Variants in PPM1E observed in about 807,000 individuals in gnomAD.
The protein encoded by PPM1E is protein phosphatase, Mg2+/Mn2+ dependent 1E.
Under a neutral mutation model 65.9 loss-of-function variants are expected in PPM1E, and 20 were observed. The ratio of observed to expected loss-of-function variants is 0.30; its 90% CI spans 0.21 to 0.44. The LOEUF (loss-of-function observed/expected upper bound fraction) is 0.44. Ranked by LOEUF, PPM1E falls within the 20% of genes least tolerant of loss-of-function variation. The pLI, the probability that PPM1E is intolerant of heterozygous loss-of-function variation, is 1.00. For missense variants in PPM1E, 713 were observed against 953.1 expected (o/e 0.75, Z 3.32); for synonymous variants, 352 against 374.9 (o/e 0.94, Z 0.70).
intron 1 of PPM1E, among the ~76,000 whole-genome samples, chr17:58,894,823 G>C (rs971791405): frequency 6.6e-6 from 1 of 151,302 alleles, no homozygotes; most frequent in Non-Finnish European, 1.5e-5. Flanking sequence ...AAATTTATTC[G>C]AGTTGATGTA....
intron 1 of PPM1E, among the ~76,000 whole-genome samples, chr17:58,827,677 C>T (rs936196541): frequency 2.6e-5 from 4 of 151,510 alleles, no homozygotes; most frequent in Admixed American, 6.6e-5. Flanking sequence ...CCGAGGAGGG[C>T]GGATCACGAG....
chr17:58,861,794 G>C (rs1160200188), intron 1 of PPM1E, among the ~76,000 whole-genome samples: 2 of 152,100 alleles, frequency 1.3e-5, no homozygotes, highest in East Asian at 3.8e-4. Flanking sequence ...AGGAATGGTG[G>C]CGTGTGCCTG....
At chr17:58,784,318 C>T (rs543602570) in intron 1 of PPM1E, among the ~76,000 whole-genome samples, 9 of 151,238 alleles carry the variant, frequency 6.0e-5, no homozygotes, top group Non-Finnish European at 8.9e-5. Context: ...CCACCACGTC[C>T]GGTCCTTGTA....
chr17:58,902,772 G>A (rs558619887), intron 1 of PPM1E, among the ~76,000 whole-genome samples: 1 of 152,042 alleles, frequency 6.6e-6, no homozygotes, highest in South Asian at 2.1e-4. Flanking sequence ...TCAGATATAG[G>A]GGTTGTGAAA....
At chr17:58,893,820 C>T (rs1394895954) in intron 1 of PPM1E, among the ~76,000 whole-genome samples, 2 of 151,970 alleles carry the variant, frequency 1.3e-5, no homozygotes, top group Non-Finnish European at 2.9e-5. Flanking sequence ...GCCTATAATC[C>T]CAGCACTTTG....
At chr17:58,837,836 TA>T (rs2050679060) in intron 1 of PPM1E, among the ~76,000 whole-genome samples, 1 of 152,234 alleles carries the variant, frequency 6.6e-6, no homozygotes, top group Non-Finnish European at 1.5e-5. Context: ...ACGCATTTGC[TA>T]ATTTAGACAA....
chr17:58,770,440 A>G (rs920442995), intron 1 of PPM1E, among the ~76,000 whole-genome samples: 2 of 152,060 alleles, frequency 1.3e-5, no homozygotes, highest in African/African-American at 4.8e-5. Context: ...CAAGAGGATC[A>G]CTTGAACCCA....
rs2051600646 is a variant in PPM1E, at chr17:58,909,726, G to T, written c.465-45923G>T. Among the ~76,000 whole-genome samples, 2 of 151,954 alleles carry T rather than the reference G, an allele frequency of 1.3e-5. 1 individual carries two copies. Among genetic ancestry groups the T allele is most frequent in the South Asian group, 4.1e-4 (2 of 4,826 alleles). On this transcript the variant is annotated intron_variant, in intron 1 of 6. Coordinates refer to ENST00000308249, the MANE Select transcript of PPM1E (RefSeq NM_014906.5). ...GTTTTATTTTTCTGGCTTCTTTCAAGATTTCATTCTTTATCCTTGATTTTC... is the reference window on the plus strand; with the variant it reads ...GTTTTATTTTTCTGGCTTCTTTCAATATTTCATTCTTTATCCTTGATTTTC...
chr17:58,849,770 T>G (rs1208430203), intron 1 of PPM1E, among the ~76,000 whole-genome samples: 3 of 152,226 alleles, frequency 2.0e-5, no homozygotes, highest in Admixed American at 2.0e-4. Flanking sequence ...TGGAGAGTTC[T>G]GCAGATGTCT....
At chr17:58,786,253 A>G (rs1171935455) in intron 1 of PPM1E, among the ~76,000 whole-genome samples, 1 of 151,982 alleles carries the variant, frequency 6.6e-6, no homozygotes, top group East Asian at 1.9e-4. Context: ...TGACCTCGTG[A>G]TCTGCCCGCC....
At position 58,816,777 on chromosome 17, in the gene PPM1E, TATATATATATATA is replaced by T. The variant is rs1567842212; in HGVS notation, c.464+60317_464+60329del. 2.7e-3 allele frequency among the ~76,000 whole-genome samples: 41 copies of T among 14,946 alleles called. 1 individual carries two copies. The highest frequency in any genetic ancestry group is 6.7e-3 in the South Asian group (5 of 744). The allele number at this position is 14,946 out of a possible 152,430, so 9.8% of individuals were successfully genotyped here. A position where few individuals can be genotyped will look rare whatever the true frequency, so the allele number is the denominator to read the frequency against. On this transcript the variant is annotated intron_variant, in intron 1 of 6. Transcript: ENST00000308249. ...ATATATATATATATATATATATATATATATATATATATATATATTTTTTTTTTTTTTTTTTTGA... is the reference window on the plus strand; with the variant it reads ...ATATATATATATATATATATATATATTATATTTTTTTTTTTTTTTTTTTGA...
Position 58,858,693 on chromosome 17 carries a change from A to G in PPM1E, c.465-96956A>G, listed in dbSNP as rs151212174. On this transcript the variant is annotated intron_variant, in intron 1 of 6. Transcript: ENST00000308249. ...GTATCTCATTGTGTACATATACCAC[A>G]TTTTCTTTATCTATTATCTATTGTT... Among the ~76,000 whole-genome samples the G allele has an allele frequency of 7.2e-5, 11 of 152,176 alleles. No individual in the cohort carries two copies. The East Asian group carries it at 1.9e-3, about 27-fold the overall frequency.
At chr17:58,822,008 T>C (rs189245661) in intron 1 of PPM1E, among the ~76,000 whole-genome samples, 1 of 152,260 alleles carries the variant, frequency 6.6e-6, no homozygotes, top group East Asian at 1.9e-4. Flanking sequence ...AAGCAAAATA[T>C]CGTTTTAAAG....
chr17:58,873,383 C>T (rs940382363), intron 1 of PPM1E, among the ~76,000 whole-genome samples: 1 of 151,924 alleles, frequency 6.6e-6, no homozygotes, highest in African/African-American at 2.4e-5. Context: ...AGAAACTACA[C>T]CAATTTGAGT....
Position 58,806,079 on chromosome 17 carries a change from G to T in PPM1E, c.464+49618G>T, listed in dbSNP as rs140019013. 5.8e-3 allele frequency among the ~76,000 whole-genome samples: 869 copies of T among 150,912 alleles called. 5 individuals are homozygous for T. Among genetic ancestry groups the T allele is most frequent in the African/African-American group, 9.3e-3 (384 of 41,090 alleles). The stretch of plus-strand genomic sequence containing the variant: ...TTCTCTCCTCCGTGTCCTGTCTCGT[G>T]GCACTTAACTTGACCAATTTATATA... On this transcript the variant is annotated intron_variant, in intron 1 of 6. Coordinates refer to ENST00000308249, the MANE Select transcript of PPM1E (RefSeq NM_014906.5).
intron 1 of PPM1E, among the ~76,000 whole-genome samples, chr17:58,884,577 C>A (rs1287013276): frequency 6.6e-6 from 1 of 152,104 alleles, no homozygotes. Flanking sequence ...AATATTAGAT[C>A]TGCCCTCTTA....
At chr17:58,829,216 A>G (rs1242120473) in intron 1 of PPM1E, among the ~76,000 whole-genome samples, 2 of 151,638 alleles carry the variant, frequency 1.3e-5, no homozygotes, top group Admixed American at 6.6e-5. Context: ...CTAATTTTGT[A>G]TATTCAGTAG....
At chr17:58,848,568 A>G (rs926874071) in intron 1 of PPM1E, among the ~76,000 whole-genome samples, 2 of 152,138 alleles carry the variant, frequency 1.3e-5, no homozygotes, top group Non-Finnish European at 2.9e-5. Flanking sequence ...TATGTGATGG[A>G]TTATGTTTAT....
intron 1 of PPM1E, among the ~76,000 whole-genome samples, chr17:58,808,960 A>G (rs2143086960): frequency 6.6e-6 from 1 of 152,310 alleles, no homozygotes; most frequent in Middle Eastern, 3.4e-3. Flanking sequence ...ACAATCTTCT[A>G]ACTTCTCACC....
Sources: allele counts gnomAD v4.1 joint callset (sites outside exome capture counted in the v4.1 genomes callset), GRCh38; gene constraint gnomAD v4.1.1; transcripts MANE v1.5; gene names NCBI Gene and HGNC (gene_info 2026-07-23, HGNC 2026-07-21).